PIBF1: variants seen among roughly 807,000 people sequenced by gnomAD.
PIBF1 encodes progesterone immunomodulatory binding factor 1.
In PIBF1, 90 loss-of-function variants were observed where a neutral mutation model predicts 112.5. That is an observed-to-expected ratio of 0.80 (90% CI 0.67 to 0.95). The LOEUF (loss-of-function observed/expected upper bound fraction) is 0.95. Ranked by LOEUF, PIBF1 falls within the 40% of genes least tolerant of loss-of-function variation. The pLI is 0.00. For missense variants in PIBF1, 915 were observed against 852.3 expected, an observed-to-expected ratio of 1.07 and a Z score of -0.92; for synonymous variants, 301 against 288.6, an observed-to-expected ratio of 1.04 and a Z score of -0.44.
intron 14 of PIBF1, among the ~76,000 whole-genome samples, chr13:72,934,388 C>A (rs2138785024): frequency 6.6e-6 from 1 of 152,248 alleles, no homozygotes; most frequent in Admixed American, 6.5e-5. Context: ...AACTCTGCCT[C>A]CCAGTTTCAA....
chr13:72,883,741 G>A lies in PIBF1; in HGVS notation c.1323-10043G>A, dbSNP rs546741745. Reference sequence around the variant, plus strand: ...GACCTCAAATAATCCGCCCACCTCAGCCTCCCAAACTTCTGGAATTACAAG... The same window carrying A: ...GACCTCAAATAATCCGCCCACCTCAACCTCCCAAACTTCTGGAATTACAAG... On this transcript the variant is annotated intron_variant, in intron 10 of 17. Transcript: ENST00000326291. 2.0e-5 allele frequency among the ~76,000 whole-genome samples: 3 copies of A among 152,252 alleles called. No homozygotes were observed. In the East Asian group the frequency reaches 5.8e-4, roughly 29 times the overall value.
intron 14 of PIBF1, among the ~76,000 whole-genome samples, chr13:72,938,782 C>T (rs1343924043): frequency 1.3e-5 from 2 of 152,192 alleles, no homozygotes; most frequent in African/African-American, 4.8e-5. Context: ...TTTACATTCC[C>T]ACCAGCCATT....
intron 16 of PIBF1, among the ~76,000 whole-genome samples, chr13:72,987,858 A>ATTTATTTTTTTTTTTTTTTTTT (rs1345167411): frequency 3.4e-5 from 2 of 58,118 alleles, no homozygotes; most frequent in African/African-American, 9.3e-5. Context: ...TTATTTATTT[A>ATTTATTTTTTTTTTTTTTTTTT]TTTTTTTTTT....
intron 5 of PIBF1, among the ~76,000 whole-genome samples, chr13:72,802,419 G>C (rs980444081): frequency 6.6e-6 from 1 of 152,160 alleles, no homozygotes; most frequent in East Asian, 1.9e-4. Flanking sequence ...TTGTAATCTA[G>C]GGGAGAGATT....
intron 11 of PIBF1, among the ~76,000 whole-genome samples, chr13:72,903,384 G>A (rs1331293899): frequency 6.6e-6 from 1 of 152,214 alleles, no homozygotes; most frequent in Non-Finnish European, 1.5e-5. Context: ...CTATTAGGCA[G>A]TAAGCACTGT....
At chr13:73,012,513 G>C (rs1393290847) in intron 17 of PIBF1, among the ~76,000 whole-genome samples, 1 of 151,282 alleles carries the variant, frequency 6.6e-6, no homozygotes, top group Non-Finnish European at 1.5e-5. Context: ...TTGAACCCAG[G>C]AGTTCGAGTT....
At chr13:72,828,267 CTT>C (rs780999187) in intron 8 of PIBF1, among the ~76,000 whole-genome samples, 4 of 123,662 alleles carry the variant, frequency 3.2e-5, no homozygotes, top group Non-Finnish European at 3.5e-5. Flanking sequence ...GATATGTTTG[CTT>C]TTTTTTTTTT....
intron 11 of PIBF1, among the ~76,000 whole-genome samples, chr13:72,906,928 T>G (rs2040724088): frequency 6.6e-6 from 1 of 152,134 alleles, no homozygotes; most frequent in Non-Finnish European, 1.5e-5. Flanking sequence ...GCCACCAGAT[T>G]CTTAATGAAT....
At chr13:72,873,929 C>G (rs759780006) in intron 10 of PIBF1, among the ~76,000 whole-genome samples, 1 of 151,978 alleles carries the variant, frequency 6.6e-6, no homozygotes, top group African/African-American at 2.4e-5. Context: ...TTAAAATGGC[C>G]AAAGGATTTG....
chr13:72,834,531 G>T (rs1249094588), intron 8 of PIBF1, among the ~76,000 whole-genome samples: 4 of 152,166 alleles, frequency 2.6e-5, no homozygotes, highest in Non-Finnish European at 4.4e-5. Context: ...GGAGGCTGGG[G>T]CAGGAAGATG....
rs1555316878 is a variant in PIBF1, at chr13:72,927,964, T to TATATAC, written c.1731-3196_1731-3195insCATATA. On this transcript the variant is annotated intron_variant, in intron 13 of 17. Coordinates refer to ENST00000326291, the MANE Select transcript of PIBF1 (RefSeq NM_006346.4). ...ATGTGTGTATATATATATATACACATATATATATATATACATATATATATA... is the reference window on the plus strand; with the variant it reads ...ATGTGTGTATATATATATATACACATATATACATATATATATATACATATATATATA... Among the ~76,000 whole-genome samples the TATATAC allele has an allele frequency of 2.0e-3, 163 of 82,146 alleles. 1 individual carries two copies. The highest frequency in any genetic ancestry group is 9.1e-3 in the African/African-American group (160 of 17,642). 53.9% of individuals were successfully genotyped at this position (82,146 alleles called of 152,430 possible).
intron 9 of PIBF1, 80 bp downstream of exon 9, chr13:72,835,448 T>C (rs2037314824): frequency 9.3e-7 from 1 of 1,069,778 alleles, no homozygotes; most frequent in Middle Eastern, 3.0e-4. Flanking sequence ...AAATGCTATT[T>C]ATTATATAAT....
chr13:72,953,912 A>G (rs1249830099), intron 14 of PIBF1, among the ~76,000 whole-genome samples: 1 of 152,076 alleles, frequency 6.6e-6, no homozygotes, highest in African/African-American at 2.4e-5. Context: ...GCCTCCAAAT[A>G]TCCCTGTCCA....
At chr13:72,812,822 C>T (rs955340958) in intron 5 of PIBF1, among the ~76,000 whole-genome samples, 8 of 151,154 alleles carry the variant, frequency 5.3e-5, no homozygotes, top group Middle Eastern at 3.4e-3. Flanking sequence ...AGCCAGGTGT[C>T]GTGGCACACA....
chr13:72,928,006 C>CATATATATACATATATATACATATATAT (rs2041569473), intron 13 of PIBF1, among the ~76,000 whole-genome samples: 5 of 101,814 alleles, frequency 4.9e-5, no homozygotes, highest in African/African-American at 2.3e-4. Context: ...CATATATATA[C>CATATATATACATATATATACATATATAT]ATATATATAC....
At chr13:72,893,640 T>C (rs1482720103) in intron 10 of PIBF1, 144 bp from the exon 11 acceptor site, 1 of 440,040 alleles carries the variant, frequency 2.3e-6, no homozygotes, top group East Asian at 3.7e-5. Context: ...CTACCTAAAT[T>C]ATTTATAAAA....
At chr13:72,834,871 C>G (rs373427043) in intron 8 of PIBF1, among the ~76,000 whole-genome samples, 1 of 152,096 alleles carries the variant, frequency 6.6e-6, no homozygotes, top group Non-Finnish European at 1.5e-5. Flanking sequence ...TTATTCATCT[C>G]TCAACATCAT....
intron 10 of PIBF1, among the ~76,000 whole-genome samples, chr13:72,855,579 G>A (rs1002136557): frequency 3.3e-5 from 5 of 152,006 alleles, no homozygotes; most frequent in Non-Finnish European, 5.9e-5. Context: ...AACCCAGGAG[G>A]CAGAGATTGC....
intron 17 of PIBF1, among the ~76,000 whole-genome samples, chr13:73,003,659 A>G (rs760924911): frequency 2.6e-5 from 4 of 152,126 alleles, no homozygotes; most frequent in African/African-American, 4.8e-5. Context: ...TGCTGCTCCT[A>G]TAGGATCAAG....
Sources: allele counts gnomAD v4.1 joint callset (sites outside exome capture counted in the v4.1 genomes callset), GRCh38; gene constraint gnomAD v4.1.1; transcripts MANE v1.5; gene names NCBI Gene and HGNC (gene_info 2026-07-23, HGNC 2026-07-21).